Variants in TMC2 observed in about 807,000 individuals in gnomAD.
TMC2 encodes the protein transmembrane channel-like protein 2.
TMC2 carries 102 observed loss-of-function variants against 105.9 expected under a neutral mutation model. The observed-to-expected ratio is 0.96, with a 90% CI of 0.82 to 1.14. The LOEUF (loss-of-function observed/expected upper bound fraction) is 1.14, where lower values mean the gene tolerates loss of function less well. Ranked by LOEUF, TMC2 falls within the 50% of genes most tolerant of loss-of-function variation. The pLI, the probability that TMC2 is intolerant of heterozygous loss-of-function variation, is 0.00. For synonymous variants in TMC2, 402 were observed against 422.8 expected, an observed-to-expected ratio of 0.95 and a Z score of 0.60; for missense variants, 1,093 against 1,134.3, an observed-to-expected ratio of 0.96 and a Z score of 0.52.
intron 2 of TMC2, among the ~76,000 whole-genome samples, chr20:2,557,985 A>G (rs2085995063): frequency 6.6e-6 from 1 of 152,240 alleles, no homozygotes; most frequent in Non-Finnish European, 1.5e-5. Context: ...ATTTAATGTA[A>G]GTTTTAGGGA....
In TMC2 at chr20:2,617,276, G is replaced by A. The variant is rs1436612497; in HGVS notation, c.2145G>A (p.Met715Ile). The change falls in exon 16 of 20, where the codon ATG becomes ATA. Residue 715 changes from methionine (M) to isoleucine (I), a missense_variant. Met to Ile is a conservative substitution (Grantham distance 10, BLOSUM62 1). Transcript: ENST00000358864. ...LSLLPVAYTI[M>I]SLPPSFDCGP... ...TCCTGCCGGTGGCCTACACCATCATGTCCCTCCCACCCTCCTTTGACTGCG... is the reference window on the plus strand; with the variant it reads ...TCCTGCCGGTGGCCTACACCATCATATCCCTCCCACCCTCCTTTGACTGCG... The A allele has an allele frequency of 6.2e-7, 1 of 1,614,058 alleles. No individual in the cohort carries two copies. Among genetic ancestry groups the A allele is most frequent in the Non-Finnish European group, 8.5e-7 (1 of 1,180,056 alleles).
chr20:2,637,785 T>C (rs928513331), intron 19 of TMC2, among the ~76,000 whole-genome samples, 194 bp downstream of exon 19: 3 of 152,092 alleles, frequency 2.0e-5, no homozygotes, highest in African/African-American at 7.2e-5. Context: ...AGATGAGATG[T>C]AATCATGCAT....
At chr20:2,551,224 G>C (rs527406686) in intron 2 of TMC2, among the ~76,000 whole-genome samples, 1 of 152,132 alleles carries the variant, frequency 6.6e-6, no homozygotes, top group Non-Finnish European at 1.5e-5. Context: ...ACCATGTTGA[G>C]CATCTTTTCA....
chr20:2,591,341 A>G (rs1204142719), intron 7 of TMC2, among the ~76,000 whole-genome samples: 1 of 152,202 alleles, frequency 6.6e-6, no homozygotes, highest in Non-Finnish European at 1.5e-5. Flanking sequence ...ACTCAGAAAT[A>G]ACTAAAAGAA....
At chr20:2,552,942 T>C (rs941170868) in intron 2 of TMC2, among the ~76,000 whole-genome samples, 4 of 152,232 alleles carry the variant, frequency 2.6e-5, no homozygotes, top group African/African-American at 7.2e-5. Flanking sequence ...TGCATCATTG[T>C]TACAAAATGG....
chr20:2,573,844 G>A (rs1600107661), intron 5 of TMC2, among the ~76,000 whole-genome samples: 1 of 152,162 alleles, frequency 6.6e-6, no homozygotes, highest in Non-Finnish European at 1.5e-5. Context: ...ACAGGCGTGA[G>A]CCACCACGCC....
At chr20:2,629,970 A>G (rs1214606450) in intron 17 of TMC2, among the ~76,000 whole-genome samples, 2 of 152,240 alleles carry the variant, frequency 1.3e-5, no homozygotes, top group Admixed American at 6.5e-5. Flanking sequence ...AGACTAAAAT[A>G]TTTATTGCCT....
chr20:2,545,847 AAGAAAG>A (rs751436272), intron 2 of TMC2, among the ~76,000 whole-genome samples: 47 of 135,692 alleles, frequency 3.5e-4, no homozygotes, highest in African/African-American at 1.2e-3. Flanking sequence ...GAAAGAAAGA[AAGAAAG>A]AGAAAGAAAG....
intron 10 of TMC2, among the ~76,000 whole-genome samples, chr20:2,599,541 T>A (rs1315092542): frequency 1.9e-5 from 2 of 102,616 alleles, no homozygotes; most frequent in Non-Finnish European, 4.5e-5. Flanking sequence ...TTAATTACAT[T>A]TTTTTTTTTT....
Position 2,579,184 on chromosome 20 carries a change from G to T in TMC2, c.684G>T (p.Lys228Asn), listed in dbSNP as rs749260641. The T allele has an allele frequency of 1.2e-6, 2 of 1,602,482 alleles. No individual in the cohort carries two copies. The change falls in exon 6 of 20, where the codon AAG (lysine) becomes AAT (asparagine). Residue 228 changes from lysine (K) to asparagine (N), a missense_variant. Physicochemically the swap from Lys to Asn is moderately conservative, Grantham distance 94. Transcript: ENST00000358864. ...VKFKRDFDNFKTQCIPWEMKI... is the reference protein window; with the variant it reads ...VKFKRDFDNFNTQCIPWEMKI... ...TTAAGAGAGACTTTGATAATTTCAA[G>T]ACTCAATGTATCCCCTGGGAAATGA...
chr20:2,570,283 G>A (rs2086094117), intron 4 of TMC2, among the ~76,000 whole-genome samples: 2 of 151,934 alleles, frequency 1.3e-5, no homozygotes, highest in African/African-American at 4.8e-5. Context: ...ATTGATAAAA[G>A]ACTTCAGCAA....
intron 7 of TMC2, among the ~76,000 whole-genome samples, chr20:2,585,220 C>A (rs926309933): frequency 4.6e-5 from 7 of 152,124 alleles, no homozygotes; most frequent in African/African-American, 1.7e-4. Context: ...ATGAGTATAT[C>A]ATAGTTTGTT....
chr20:2,621,420 A>C (rs2086524397), intron 16 of TMC2, among the ~76,000 whole-genome samples: 1 of 151,848 alleles, frequency 6.6e-6, no homozygotes, highest in African/African-American at 2.4e-5. Flanking sequence ...CTACAGAAAA[A>C]TAGAAGGTGA....
intron 4 of TMC2, among the ~76,000 whole-genome samples, chr20:2,569,978 T>C (rs769687004): frequency 9.9e-5 from 15 of 152,138 alleles, no homozygotes; most frequent in Non-Finnish European, 1.9e-4. Context: ...TGAAGGAACA[T>C]ACCTCAAAAT....
rs768928395 is a variant in TMC2, at chr20:2,561,939, A to C, written c.483A>C (p.Glu161Asp). Residue 161 changes from glutamate (E) to aspartate (D), a missense_variant, in exon 4 of 20, where the codon GAA (glutamate) becomes GAC (aspartate). Physicochemically the swap from Glu to Asp is conservative, Grantham distance 45 (BLOSUM62 2). Coordinates refer to ENST00000358864, the MANE Select transcript of TMC2 (RefSeq NM_080751.3). Reference protein sequence around the residue: ...EELAQILEQVEEKKKLIATMR... With the variant: ...EELAQILEQVDEKKKLIATMR... ...TGGCCCAGATCCTGGAGCAGGTGGA[A>C]GAAAAAAAGAAGCTCATTGCCACCA... 2 of 1,614,208 alleles carry C rather than the reference A, an allele frequency of 1.2e-6. No individual in the cohort carries two copies. The highest frequency in any genetic ancestry group is 4.5e-5 in the East Asian group (2 of 44,890).
At chr20:2,579,077 C>T (rs2086168124) in intron 5 of TMC2, 69 bp from the exon 6 acceptor site, 2 of 881,062 alleles carry the variant, frequency 2.3e-6, no homozygotes, top group Admixed American at 1.8e-5. Context: ...CCTCGTGCCC[C>T]TCATCATGCC....
chr20:2,622,013 C>T (rs533929944), intron 16 of TMC2, among the ~76,000 whole-genome samples: 2 of 152,194 alleles, frequency 1.3e-5, no homozygotes, highest in Admixed American at 6.5e-5. Context: ...TTGTACATGG[C>T]GGGTATGCAC....
At chr20:2,606,695 G>A (rs187375234) in intron 11 of TMC2, among the ~76,000 whole-genome samples, 460 of 151,566 alleles carry the variant, frequency 3.0e-3, no homozygotes, top group Non-Finnish European at 5.4e-3. Flanking sequence ...TATTATACCC[G>A]TGTTGAATCT....
At chr20:2,596,521 TA>T (rs1243008119) in intron 9 of TMC2, among the ~76,000 whole-genome samples, 1 of 151,398 alleles carries the variant, frequency 6.6e-6, no homozygotes, top group East Asian at 1.9e-4. Context: ...TAATCCCAGC[TA>T]CTCGGGAGGC....
Sources: gnomAD v4.1 joint callset for allele counts (sites outside exome capture counted in the v4.1 genomes callset) on GRCh38, gnomAD v4.1.1 for gene constraint, MANE v1.5 for transcripts, NCBI Gene and HGNC (gene_info 2026-07-23, HGNC 2026-07-21) for gene names.